The following SPOCD1 variants were observed in gnomAD, a reference collection of about 807,000 sequenced individuals.
The protein encoded by SPOCD1 is SPOC domain containing 1.
In SPOCD1, 64 loss-of-function variants were observed where a neutral mutation model predicts 92.2. The observed-to-expected ratio is 0.69, with a 90% CI of 0.57 to 0.86. SPOCD1 has a LOEUF of 0.86. Ranked by LOEUF, SPOCD1 falls within the 40% of genes least tolerant of loss-of-function variation. SPOCD1 has a pLI of 0.00. For missense variants in SPOCD1, 1,360 were observed against 1,543.1 expected (o/e 0.88, Z 1.99); for synonymous variants, 578 against 619.3 (o/e 0.93, Z 0.99).
chr1:31,803,545 A>G (rs1180329005), intron 2 of SPOCD1, among the ~76,000 whole-genome samples: 2 of 149,570 alleles, frequency 1.3e-5, no homozygotes, highest in Non-Finnish European at 3.0e-5. Flanking sequence ...GCAGCCTGGG[A>G]AACATAGCGA....
Position 31,798,622 on chromosome 1 carries a change from C to G in SPOCD1, c.1869-21G>C, listed in dbSNP as rs201900130. 6.2e-7 allele frequency: 1 copy of G among 1,608,108 alleles called. No individual in the cohort carries two copies. The highest frequency in any genetic ancestry group is 1.1e-5 in the South Asian group (1 of 90,420). ...GAAGGCTGTGGAGGCCAGGGCAGGG[C>G]GGGGGCACTGAGCCCAGGAGGCTCT... On this transcript the variant is annotated intron_variant, in intron 7 of 15. Coordinates refer to ENST00000360482, the MANE Select transcript of SPOCD1 (RefSeq NM_144569.7). This position sits in a 1 kb window ranked among gnomAD's most constrained non-coding sequence, Gnocchi z 4.1.
intron 6 of SPOCD1, 102 bp downstream of exon 6, chr1:31,799,707 A>G: frequency 7.1e-7 from 1 of 1,409,974 alleles, no homozygotes; most frequent in Non-Finnish European, 9.9e-7. Context: ...ATGTGGGGAG[A>G]GAAGAATCAT....
chr1:31,796,369 A>C, intron 10 of SPOCD1: 3 of 674,572 alleles, frequency 4.4e-6, no homozygotes, highest in Non-Finnish European at 7.7e-6. Context: ...GGCCAAAAGG[A>C]GGAGGACCGA....
In SPOCD1 at chr1:31,814,665, AC is replaced by A; in HGVS notation, c.668del (p.Gly223ValfsTer203). ...GGCTCTGATCAAGCCACAGGAAGTC[AC>A]CAGCCCCTTCCTCACACTCTGAATG... Reference protein sequence around the residue: ...GAHSECEEGAGDFLWLDQSPR... With the variant: ...GAHSECEEGAXDFLWLDQSPR... On this transcript the variant is annotated frameshift_variant, in exon 2 of 16. Transcript: ENST00000360482. LOFTEE classifies it high-confidence loss of function. This position sits in a 1 kb window ranked among gnomAD's most constrained non-coding sequence, Gnocchi z 4.2. The A allele has an allele frequency of 6.4e-7, 1 of 1,555,418 alleles. No homozygotes were observed. Among genetic ancestry groups the A allele is most frequent in the Non-Finnish European group, 8.7e-7 (1 of 1,152,806 alleles).
chr1:31,800,184 C>G (rs1648346990), intron 4 of SPOCD1, 43 bp from the exon 5 acceptor site: 2 of 1,544,924 alleles, frequency 1.3e-6, no homozygotes, highest in Non-Finnish European at 8.7e-7. Context: ...GAAATGGAGG[C>G]CAGGGACTGT....
rs1432286518 is a variant in SPOCD1 at position 31,792,269 on chromosome 1, G to T, written c.2908C>A (p.Pro970Thr). The T allele has an allele frequency of 1.2e-6, 2 of 1,612,960 alleles. No individual in the cohort carries two copies. Among genetic ancestry groups the T allele is most frequent in the African/African-American group, 1.3e-5 (1 of 74,918 alleles). Residue 970 changes from proline (P) to threonine (T), a missense_variant, in exon 15 of 16, where the codon CCC becomes ACC. By Grantham distance (38) the Pro-to-Thr change is conservative (BLOSUM62 -1). Around this residue, in one of 3 missense-constraint regions of SPOCD1, gnomAD observed 614 missense variants for 757.8 expected, o/e 0.81. Coordinates refer to ENST00000360482, the MANE Select transcript of SPOCD1 (RefSeq NM_144569.7). ...SVEHMGMVLL[P>T]LPAFQPLPTR... ...GGCAGGGGCTGGAAGGCAGGCAGGGGCAGCAGGACCATCCCCATGTGCTCC... is the reference window on the plus strand; with the variant it reads ...GGCAGGGGCTGGAAGGCAGGCAGGGTCAGCAGGACCATCCCCATGTGCTCC...
chr1:31,798,718 G>T lies in SPOCD1; in HGVS notation c.1869-117C>A. The T allele has an allele frequency of 8.7e-7, 1 of 1,154,922 alleles. No homozygotes were observed. Among genetic ancestry groups the T allele is most frequent in the Non-Finnish European group, 1.2e-6 (1 of 825,094 alleles). 71.5% of individuals were successfully genotyped at this position (1,154,922 alleles called of 1,614,324 possible). On this transcript the variant is annotated intron_variant, in intron 7 of 15. Transcript: ENST00000360482. The surrounding 1 kb of genome is among the most constrained non-coding windows in gnomAD (Gnocchi z 4.1). ...TCTGGGCCAACTTGTTCCTGTCGTG[G>T]GTGTTTCCCTGCAGGAACCTACTTA...
chr1:31,802,737 G>A (rs1185630575), intron 2 of SPOCD1, among the ~76,000 whole-genome samples: 3 of 152,178 alleles, frequency 2.0e-5, no homozygotes, highest in Middle Eastern at 3.4e-3. Flanking sequence ...TTTTACAACC[G>A]GAAACATGTT....
At position 31,793,366 on chromosome 1, in the gene SPOCD1, G is replaced by C. The variant is rs777715005; in HGVS notation, c.2597C>G (p.Pro866Arg). The stretch of plus-strand genomic sequence containing the variant: ...GAACATGTCCAGAACACCTTCCCAG[G>C]GTGGCAGGCAGGGCAGGGCCTTTGT... ...APTKALPCLPPWEGVLDMFSI... is the reference protein window; with the variant it reads ...APTKALPCLPRWEGVLDMFSI... Residue 866 changes from proline (P) to arginine (R), a missense_variant, in exon 13 of 16, where the codon CCC becomes CGC. Physicochemically the swap from Pro to Arg is moderately radical, Grantham distance 103 (BLOSUM62 -2). Around this residue, in one of 3 missense-constraint regions of SPOCD1, gnomAD observed 614 missense variants for 757.8 expected, o/e 0.81. Transcript: ENST00000360482. 1 of 1,592,578 alleles carries C rather than the reference G, an allele frequency of 6.3e-7. No homozygotes were observed. Among genetic ancestry groups the C allele is most frequent in the East Asian group, 2.3e-5 (1 of 43,854 alleles).
intron 12 of SPOCD1, 55 bp from the exon 13 acceptor site, chr1:31,793,483 C>T (rs766880210): frequency 2.4e-5 from 37 of 1,545,304 alleles, no homozygotes; most frequent in East Asian, 4.9e-5. Context: ...AGGACTTCCC[C>T]GGCACCTCCT....
chr1:31,810,188 C>A (rs2149117945), intron 2 of SPOCD1, among the ~76,000 whole-genome samples: 1 of 152,182 alleles, frequency 6.6e-6, no homozygotes, highest in East Asian at 1.9e-4. Flanking sequence ...GGACGAGCCC[C>A]CTCCTTGTTC....
chr1:31,794,831 T>A (rs966569153), intron 10 of SPOCD1: 1 of 152,238 alleles, frequency 6.6e-6, no homozygotes, highest in Non-Finnish European at 1.5e-5. Flanking sequence ...TCTTTTTCTA[T>A]ACACAGGGTT....
chr1:31,793,214 G>A (rs940307339), intron 13 of SPOCD1, 64 bp downstream of exon 13: 14 of 1,505,548 alleles, frequency 9.3e-6, no homozygotes, highest in Non-Finnish European at 1.2e-5. Context: ...AAGAGAGAGA[G>A]AGAGAGAGGC....
Position 31,814,778 on chromosome 1 carries a change from T to C in SPOCD1, c.556A>G (p.Lys186Glu), listed in dbSNP as rs757862109. 2 of 1,613,618 alleles carry C rather than the reference T, an allele frequency of 1.2e-6. No homozygotes were observed. The highest frequency in any genetic ancestry group is 1.7e-5 in the Admixed American group (1 of 59,958). Reference protein sequence around the residue: ...GCDRRSPTLSKEEPPGRPLTS... With the variant: ...GCDRRSPTLSEEEPPGRPLTS... ...AGGGGCCTTCCAGGGGGCTCCTCTT[T>C]GCTGAGTGTGGGGCTTCTTCTGTCA... Residue 186 changes from lysine (K) to glutamate (E), a missense_variant, in exon 2 of 16, where the codon AAA becomes GAA. Physicochemically the swap from Lys to Glu is moderately conservative, Grantham distance 56 (BLOSUM62 1). Transcript: ENST00000360482. This position sits in a 1 kb window ranked among gnomAD's most constrained non-coding sequence, Gnocchi z 4.2.
In SPOCD1 at chr1:31,814,043, G is replaced by A. The variant is rs780205088; in HGVS notation, c.1291C>T (p.Pro431Ser). 7.4e-6 allele frequency: 12 copies of A among 1,613,462 alleles called. No individual in the cohort carries two copies. The highest frequency in any genetic ancestry group is 1.0e-5 in the Non-Finnish European group (12 of 1,179,716). Reference sequence around the variant, plus strand: ...TCTGTGCCCCGGTCTTGGGCACAGGGCACTGGACCTTTCTTCAGGTTCTTA... The same window carrying A: ...TCTGTGCCCCGGTCTTGGGCACAGGACACTGGACCTTTCTTCAGGTTCTTA... The part of the protein sequence containing the change: ...GTKNLKKGPV[P>S]CAQDRGTDRS... Residue 431 changes from proline to serine, a missense_variant, in exon 2 of 16, where the codon CCC (proline) becomes TCC (serine). Pro to Ser is a moderately conservative substitution (Grantham distance 74, BLOSUM62 -1). This residue lies in a region of SPOCD1 where 606 missense variants were observed against 601.5 expected (regional missense o/e 1.01). Coordinates refer to ENST00000360482, the MANE Select transcript of SPOCD1 (RefSeq NM_144569.7). This position sits in a 1 kb window ranked among gnomAD's most constrained non-coding sequence, Gnocchi z 4.2.
chr1:31,812,444 G>C (rs943226093), intron 2 of SPOCD1, among the ~76,000 whole-genome samples: 21 of 152,246 alleles, frequency 1.4e-4, no homozygotes, highest in Admixed American at 1.3e-3. Context: ...GAACCCACTG[G>C]GAAAGACCTT....
rs551907845 is a variant in SPOCD1, at chr1:31,798,760, G to A, written c.1869-159C>T. 2.0e-5 allele frequency: 14 copies of A among 706,722 alleles called. No homozygotes were observed. The highest frequency in any genetic ancestry group is 2.4e-4 in the Middle Eastern group (1 of 4,088). 43.8% of individuals were successfully genotyped at this position (706,722 alleles called of 1,614,324 possible). On this transcript the variant is annotated intron_variant, in intron 7 of 15. Coordinates refer to ENST00000360482, the MANE Select transcript of SPOCD1 (RefSeq NM_144569.7). The surrounding 1 kb of genome is among the most constrained non-coding windows in gnomAD (Gnocchi z 4.1). ...ACCTACTTATTCTCACCCCAACTCC[G>A]TGAGGAGGAAATAGGATCATTCTCC...
chr1:31,814,181 C>A lies in SPOCD1; in HGVS notation c.1153G>T (p.Asp385Tyr). The change falls in exon 2 of 16, where the codon GAC becomes TAC. Residue 385 changes from aspartate (D) to tyrosine (Y), a missense_variant. By Grantham distance (160) the Asp-to-Tyr change is radical. Transcript: ENST00000360482. The surrounding 1 kb of genome is among the most constrained non-coding windows in gnomAD (Gnocchi z 4.2). Reference sequence around the variant, plus strand: ...GGCTCCCGGGAGCTGGCACAGGTGTCAGCGGGGGCAGCGAGTCCTTGCTCC... The same window carrying A: ...GGCTCCCGGGAGCTGGCACAGGTGTAAGCGGGGGCAGCGAGTCCTTGCTCC... ...RLEQGLAAPADTCASSREPLG... is the reference protein window; with the variant it reads ...RLEQGLAAPAYTCASSREPLG... The A allele has an allele frequency of 6.4e-7, 1 of 1,569,916 alleles. No individual in the cohort carries two copies. The highest frequency in any genetic ancestry group is 8.6e-7 in the Non-Finnish European group (1 of 1,156,278).
chr1:31,800,306 C>A, intron 4 of SPOCD1, 135 bp downstream of exon 4: 1 of 1,422,752 alleles, frequency 7.0e-7, no homozygotes, highest in Non-Finnish European at 9.4e-7. Flanking sequence ...CAGGCTGGGG[C>A]CGAACCCTGC....
Sources: gnomAD v4.1 joint callset for allele counts (sites outside exome capture counted in the v4.1 genomes callset) on GRCh38, gnomAD v4.1.1 for gene constraint, gnomAD v4.1.1 regional missense constraint, Gnocchi (gnomAD v3.1) non-coding constraint, MANE v1.5 for transcripts, NCBI Gene and HGNC (gene_info 2026-07-23, HGNC 2026-07-21) for gene names.